ARB2A: variants seen among roughly 807,000 people sequenced by gnomAD.
ARB2A encodes cotranscriptional regulator ARB2A.
At chr5:94,102,624 C>T in the ARB2A span, among the ~76,000 whole-genome samples, 2 of 152,056 alleles carry the variant, frequency 1.3e-5, no homozygotes, top group Non-Finnish European at 2.9e-5. Context: ...ATTTCCCTAA[C>T]CTCACTGGGG....
the ARB2A span, among the ~76,000 whole-genome samples, chr5:93,855,804 A>G: frequency 6.6e-6 from 1 of 152,176 alleles, no homozygotes; most frequent in Non-Finnish European, 1.5e-5. Context: ...GCACACCAAG[A>G]ACCCATCTGT....
the ARB2A span, among the ~76,000 whole-genome samples, chr5:93,880,593 T>A: frequency 6.6e-6 from 1 of 151,776 alleles, no homozygotes; most frequent in Non-Finnish European, 1.5e-5. Context: ...ACTATTTTTC[T>A]TAACCCGTAG....
At chr5:93,645,209 A>G in the ARB2A span, among the ~76,000 whole-genome samples, 4 of 152,184 alleles carry the variant, frequency 2.6e-5, no homozygotes, top group African/African-American at 9.7e-5. Context: ...AAAAACAATT[A>G]CAGGATGAAG....
the ARB2A span, among the ~76,000 whole-genome samples, chr5:94,027,687 T>C: frequency 2.6e-5 from 4 of 152,192 alleles, no homozygotes; most frequent in African/African-American, 9.7e-5. Flanking sequence ...CACTTCTATT[T>C]CTTAATCTGG....
At chr5:93,623,917 T>G in the ARB2A span, among the ~76,000 whole-genome samples, 2 of 152,164 alleles carry the variant, frequency 1.3e-5, no homozygotes, top group Non-Finnish European at 2.9e-5. Flanking sequence ...GTTGAATAAT[T>G]ACATGTCTAA....
At chr5:93,773,317 A>AGCACTATACTGGATGGGT in the ARB2A span, among the ~76,000 whole-genome samples, 1 of 152,190 alleles carries the variant, frequency 6.6e-6, no homozygotes, top group Admixed American at 6.5e-5. Context: ...ACTGGATGGG[A>AGCACTATACTGGATGGGT]GCACTATACT....
the ARB2A span, among the ~76,000 whole-genome samples, chr5:94,095,385 T>C: frequency 1.3e-5 from 2 of 152,134 alleles, no homozygotes; most frequent in Admixed American, 6.6e-5. Context: ...TAGTTCCTAC[T>C]GCTTACAGAG....
chr5:93,785,598 AT>A, the ARB2A span, among the ~76,000 whole-genome samples: 20 of 152,024 alleles, frequency 1.3e-4, no homozygotes, highest in Non-Finnish European at 2.2e-4. Flanking sequence ...CTCTCTCTTA[AT>A]TTTTTTTAAG....
chr5:93,865,664 T>C, the ARB2A span: 1 of 985,390 alleles, frequency 1.0e-6, no homozygotes, highest in South Asian at 4.7e-5. Flanking sequence ...CATCTATATT[T>C]ATCATCTAAA....
chr5:93,702,532 G>A, the ARB2A span, among the ~76,000 whole-genome samples: 11 of 152,094 alleles, frequency 7.2e-5, no homozygotes, highest in Non-Finnish European at 1.0e-4. Context: ...CTATGAAAAG[G>A]AATTTTGCTT....
At chr5:94,060,182 G>A in the ARB2A span, among the ~76,000 whole-genome samples, 4 of 151,882 alleles carry the variant, frequency 2.6e-5, no homozygotes, top group Admixed American at 6.6e-5. Context: ...ACATGACCCC[G>A]TCTCTACTTA....
At chr5:93,756,002 T>G in the ARB2A span, among the ~76,000 whole-genome samples, 1 of 152,146 alleles carries the variant, frequency 6.6e-6, no homozygotes, top group South Asian at 2.1e-4. Flanking sequence ...TGTCTTGCCC[T>G]CCGCCTGGAC....
the ARB2A span, among the ~76,000 whole-genome samples, chr5:93,846,012 C>G: frequency 1.2e-3 from 187 of 151,402 alleles, 1 homozygote; most frequent in African/African-American, 4.4e-3. Context: ...CACACACACA[C>G]ACACACACAC....
the ARB2A span, among the ~76,000 whole-genome samples, chr5:93,902,320 T>C: frequency 6.6e-6 from 1 of 152,152 alleles, no homozygotes; most frequent in Admixed American, 6.6e-5. Context: ...TAGTAACAGG[T>C]GTCTGCTTAA....
the ARB2A span, among the ~76,000 whole-genome samples, chr5:93,850,847 G>A: frequency 6.6e-6 from 1 of 151,992 alleles, no homozygotes; most frequent in Non-Finnish European, 1.5e-5. Flanking sequence ...GTTTTGTGAA[G>A]GCAACTGTAC....
the ARB2A span, among the ~76,000 whole-genome samples, chr5:93,819,235 CTG>C: frequency 1.4e-5 from 2 of 143,590 alleles, no homozygotes; most frequent in East Asian, 4.3e-4. Flanking sequence ...AGTCAACTAA[CTG>C]TGCAGATATT....
At chr5:93,688,640 T>C in the ARB2A span, among the ~76,000 whole-genome samples, 1 of 152,208 alleles carries the variant, frequency 6.6e-6, no homozygotes, top group South Asian at 2.1e-4. Flanking sequence ...ATATATTTAA[T>C]AGTTTAGTGT....
At chr5:93,948,704 G>A in the ARB2A span, among the ~76,000 whole-genome samples, 3 of 152,072 alleles carry the variant, frequency 2.0e-5, no homozygotes, top group African/African-American at 4.8e-5. Context: ...TAAGGAACGG[G>A]TCCAGTTTCA....
the ARB2A span, among the ~76,000 whole-genome samples, chr5:93,669,111 C>A: frequency 6.6e-6 from 1 of 152,280 alleles, no homozygotes; most frequent in African/African-American, 2.4e-5. Context: ...ACGTGAAATA[C>A]CACATTTATC....
Sources: gnomAD v4.1 joint callset for allele counts (sites outside exome capture counted in the v4.1 genomes callset) on GRCh38, gnomAD v4.1.1 for gene constraint, MANE v1.5 for transcripts, NCBI Gene and HGNC (gene_info 2026-07-23, HGNC 2026-07-21) for gene names.